The following TOP1 variants were observed in gnomAD, a reference collection of about 807,000 sequenced individuals.
TOP1 encodes the protein DNA topoisomerase 1.
TOP1 carries 10 observed loss-of-function variants against 111.1 expected under a neutral mutation model. The observed-to-expected ratio is 0.09, with a 90% CI of 0.06 to 0.15. The LOEUF is 0.15. Ranked by LOEUF, TOP1 falls within the 10% of genes least tolerant of loss-of-function variation. The pLI is 1.00. For missense variants in TOP1, 474 were observed against 926.7 expected (o/e 0.51, Z 6.34); for synonymous variants, 271 against 302.9 (o/e 0.89, Z 1.10).
intron 3 of TOP1, among the ~76,000 whole-genome samples, chr20:41,073,585 T>C (rs1217523084): frequency 6.6e-6 from 1 of 152,122 alleles, no homozygotes; most frequent in Non-Finnish European, 1.5e-5. Context: ...TTAGTGGAAA[T>C]ATAAGGGTAT....
Position 41,071,995 on chromosome 20 carries a change from T to C in TOP1, c.156-4176T>C, listed in dbSNP as rs551208637. 3.9e-4 allele frequency among the ~76,000 whole-genome samples: 59 copies of C among 152,242 alleles called. No individual in the cohort carries two copies. The highest frequency in any genetic ancestry group is 7.9e-4 in the Non-Finnish European group (54 of 68,040). On this transcript the variant is annotated intron_variant, in intron 3 of 20. Transcript: ENST00000361337. The surrounding 1 kb of genome is among the most constrained non-coding windows in gnomAD (Gnocchi z 4.3). ...CCAGACTAAACTTACTCTTAAAATATGTTTGTCCAACCTTTGGTTTCCTTC... is the reference window on the plus strand; with the variant it reads ...CCAGACTAAACTTACTCTTAAAATACGTTTGTCCAACCTTTGGTTTCCTTC...
rs1352388719 is a variant in TOP1, at chr20:41,100,253, C to T, written c.1163+10C>T. The T allele has an allele frequency of 1.9e-6, 3 of 1,606,184 alleles. No homozygotes were observed. The highest frequency in any genetic ancestry group is 2.6e-6 in the Non-Finnish European group (3 of 1,175,356). On this transcript the variant is annotated intron_variant, in intron 12 of 20. Coordinates refer to ENST00000361337, the MANE Select transcript of TOP1 (RefSeq NM_003286.4). This position sits in a 1 kb window ranked among gnomAD's most constrained non-coding sequence, Gnocchi z 4.4. ...TCATCAACTGTAGCAAGTGAGCTCGCACTTCATCCTATGGGCCAAAAAGGG... is the reference window on the plus strand; with the variant it reads ...TCATCAACTGTAGCAAGTGAGCTCGTACTTCATCCTATGGGCCAAAAAGGG...
In TOP1 at chr20:41,119,599, A is replaced by G. The variant is rs575477469; in HGVS notation, c.1950+1303A>G. Among the ~76,000 whole-genome samples the G allele has an allele frequency of 6.6e-5, 10 of 152,308 alleles. No individual in the cohort carries two copies. The South Asian group carries it at 1.5e-3, about 22-fold the overall frequency. On this transcript the variant is annotated intron_variant, in intron 18 of 20. Coordinates refer to ENST00000361337, the MANE Select transcript of TOP1 (RefSeq NM_003286.4). ...GGAATGAGACTGCATTTTAAGGCCC[A>G]GAATATTTTCCATTTGTTGAGATTT...
chr20:41,115,567 C>T lies in TOP1; in HGVS notation c.1707+128C>T. On this transcript the variant is annotated intron_variant, in intron 16 of 20. Transcript: ENST00000361337. The surrounding 1 kb of genome is among the most constrained non-coding windows in gnomAD (Gnocchi z 6.3). The stretch of plus-strand genomic sequence containing the variant: ...CTGGCCTGCTCTGTGGCATCCCATA[C>T]ACTCTCTCTTCCTCCCTCTGAGTCC... 1 of 658,434 alleles carries T rather than the reference C, an allele frequency of 1.5e-6. No individual in the cohort carries two copies. Among genetic ancestry groups the T allele is most frequent in the Admixed American group, 2.4e-5 (1 of 40,880 alleles). 40.8% of individuals were successfully genotyped at this position (658,434 alleles called of 1,614,324 possible). A position where few individuals can be genotyped will look rare whatever the true frequency, so the allele number is the denominator to read the frequency against.
At position 41,123,507 on chromosome 20, in the gene TOP1, T is replaced by C; in HGVS notation, c.*210T>C. On this transcript the variant is annotated 3_prime_UTR_variant, in exon 21 of 21. Transcript: ENST00000361337. This position sits in a 1 kb window ranked among gnomAD's most constrained non-coding sequence, Gnocchi z 5.8. ...AACTTATTTAAAAATATTTCAGATA[T>C]CAAAATTCTAGCTGTATGATTTGTT... 3 of 436,374 alleles carry C rather than the reference T, an allele frequency of 6.9e-6. No homozygotes were observed. Among genetic ancestry groups the C allele is most frequent in the Non-Finnish European group, 8.1e-6 (2 of 247,784 alleles). The allele number at this position is 436,374 out of a possible 1,614,324, so 27.0% of individuals were successfully genotyped here.
chr20:41,114,685 A>G lies in TOP1; in HGVS notation c.1638+530A>G, dbSNP rs116806983. ...TTCATCTTTGCTCAGCCTTTCTCCA[A>G]CTCCTGACTGAGTGAAAGGTTAATG... On this transcript the variant is annotated intron_variant, in intron 15 of 20. Transcript: ENST00000361337. This position sits in a 1 kb window ranked among gnomAD's most constrained non-coding sequence, Gnocchi z 4.5. Among the ~76,000 whole-genome samples the G allele has an allele frequency of 8.9e-4, 136 of 152,194 alleles. No homozygotes were observed. The highest frequency in any genetic ancestry group is 3.0e-3 in the African/African-American group (126 of 41,504).
chr20:41,106,933 C>T lies in TOP1; in HGVS notation c.1308+5580C>T, dbSNP rs1272903707. ...TTTTAAACACAATTATCCATAAAAC[C>T]CTAACCCTTTCCCTAGTCAACAGCA... On this transcript the variant is annotated intron_variant, in intron 13 of 20. Coordinates refer to ENST00000361337, the MANE Select transcript of TOP1 (RefSeq NM_003286.4). This position sits in a 1 kb window ranked among gnomAD's most constrained non-coding sequence, Gnocchi z 4.3. Among the ~76,000 whole-genome samples the T allele has an allele frequency of 3.3e-5, 5 of 151,946 alleles. No individual in the cohort carries two copies. The highest frequency in any genetic ancestry group is 1.2e-4 in the African/African-American group (5 of 41,354).
In TOP1 at chr20:41,110,999, T is replaced by C. The variant is rs1461654829; in HGVS notation, c.1309-1783T>C. Among the ~76,000 whole-genome samples, 1 of 152,188 alleles carries C rather than the reference T, an allele frequency of 6.6e-6. No homozygotes were observed. The highest frequency in any genetic ancestry group is 2.4e-5 in the African/African-American group (1 of 41,434). On this transcript the variant is annotated intron_variant, in intron 13 of 20. Transcript: ENST00000361337. This position sits in a 1 kb window ranked among gnomAD's most constrained non-coding sequence, Gnocchi z 4.2. ...AGCCCAGCCAGCCTGTGAAGAAAAGTTGGTCTGGTAGTATCCTGTGAATGA... is the reference window on the plus strand; with the variant it reads ...AGCCCAGCCAGCCTGTGAAGAAAAGCTGGTCTGGTAGTATCCTGTGAATGA...
Position 41,123,880 on chromosome 20 carries a change from G to A in TOP1, c.*583G>A, listed in dbSNP as rs1347482319. On this transcript the variant is annotated 3_prime_UTR_variant, in exon 21 of 21. Transcript: ENST00000361337. This position sits in a 1 kb window ranked among gnomAD's most constrained non-coding sequence, Gnocchi z 5.8. ...TGGCAGTGTTTTGGTTCAGACACCT[G>A]TTCACAGAAAAAGCATGATGGGAAA... 1.3e-5 allele frequency: 3 copies of A among 232,282 alleles called. No individual in the cohort carries two copies. The highest frequency in any genetic ancestry group is 2.6e-5 in the Non-Finnish European group (3 of 117,312). The allele number at this position is 232,282 out of a possible 1,614,324, so 14.4% of individuals were successfully genotyped here.
chr20:41,100,212 A>G lies in TOP1; in HGVS notation c.1132A>G (p.Met378Val). The stretch of plus-strand genomic sequence containing the variant: ...GATGGGCATGCTGAAGAGACGAATC[A>G]TGCCCGAGGATATAATCATCAACTG... ...PKMGMLKRRI[M>V]PEDIIINCSK... Residue 378 changes from methionine (M) to valine (V), a missense_variant, in exon 12 of 21, where the codon ATG becomes GTG. By Grantham distance (21) the Met-to-Val change is conservative. This residue lies in a region of TOP1 where 22 missense variants were observed against 30.4 expected (regional missense o/e 0.72). Coordinates refer to ENST00000361337, the MANE Select transcript of TOP1 (RefSeq NM_003286.4). This position sits in a 1 kb window ranked among gnomAD's most constrained non-coding sequence, Gnocchi z 4.4. 6.2e-7 allele frequency: 1 copy of G among 1,613,932 alleles called. No individual in the cohort carries two copies. Among genetic ancestry groups the G allele is most frequent in the South Asian group, 1.1e-5 (1 of 91,064 alleles).
Position 41,029,008 on chromosome 20 carries a change from G to A in TOP1, c.-60G>A, listed in dbSNP as rs1282454595. On this transcript the variant is annotated 5_prime_UTR_variant, in exon 1 of 21. Coordinates refer to ENST00000361337, the MANE Select transcript of TOP1 (RefSeq NM_003286.4). The surrounding 1 kb of genome is among the most constrained non-coding windows in gnomAD (Gnocchi z 6.1). ...CCCGTCCGCCCGCACAGGCCGGTTC[G>A]CCGTCTGCGTCTCCCCCACGCCGCC... is the stretch of plus-strand genomic sequence containing the variant. 2.0e-6 allele frequency: 3 copies of A among 1,488,984 alleles called. No homozygotes were observed. Among genetic ancestry groups the A allele is most frequent in the Non-Finnish European group, 2.7e-6 (3 of 1,106,878 alleles). The allele number at this position is 1,488,984 out of a possible 1,614,324, so 92.2% of individuals were successfully genotyped here.
chr20:41,082,900 G>C lies in TOP1; in HGVS notation c.508-1562G>C, dbSNP rs1185650524. On this transcript the variant is annotated intron_variant, in intron 7 of 20. Transcript: ENST00000361337. The surrounding 1 kb of genome is among the most constrained non-coding windows in gnomAD (Gnocchi z 4.1). ...AATACTCTGAGTTTGTTAAACCATT[G>C]GGAAAAAAGAACAGTTGACTTCATT... 1.3e-5 allele frequency among the ~76,000 whole-genome samples: 2 copies of C among 151,038 alleles called. No homozygotes were observed. Among genetic ancestry groups the C allele is most frequent in the Admixed American group, 6.6e-5 (1 of 15,178 alleles).
chr20:41,078,432 C>T lies in TOP1; in HGVS notation c.335+795C>T, dbSNP rs1057150255. The stretch of plus-strand genomic sequence containing the variant: ...ACAAAACACTTTGAGAGTTTTGCTT[C>T]CTTGAATCTTTGAACTTTCAGTTTC... On this transcript the variant is annotated intron_variant, in intron 5 of 20. Coordinates refer to ENST00000361337, the MANE Select transcript of TOP1 (RefSeq NM_003286.4). This position sits in a 1 kb window ranked among gnomAD's most constrained non-coding sequence, Gnocchi z 5.3. Among the ~76,000 whole-genome samples, 6 of 152,130 alleles carry T rather than the reference C, an allele frequency of 3.9e-5. No homozygotes were observed. The highest frequency in any genetic ancestry group is 3.9e-4 in the Admixed American group (6 of 15,270).
chr20:41,060,929 C>T (rs1344914951), intron 2 of TOP1, among the ~76,000 whole-genome samples: 1 of 152,124 alleles, frequency 6.6e-6, no homozygotes, highest in African/African-American at 2.4e-5. Flanking sequence ...ATCTATGGTG[C>T]TGAACCTGTA....
At position 41,116,665 on chromosome 20, in the gene TOP1, C is replaced by T. The variant is rs1240748691; in HGVS notation, c.1822+273C>T. ...AAAATGCCTGCATTTGTGTTTTATACATATATTACTTAAAAGCCCACAGAG... is the reference window on the plus strand; with the variant it reads ...AAAATGCCTGCATTTGTGTTTTATATATATATTACTTAAAAGCCCACAGAG... On this transcript the variant is annotated intron_variant, in intron 17 of 20. Coordinates refer to ENST00000361337, the MANE Select transcript of TOP1 (RefSeq NM_003286.4). This position sits in a 1 kb window ranked among gnomAD's most constrained non-coding sequence, Gnocchi z 5.6. 6.6e-6 allele frequency among the ~76,000 whole-genome samples: 1 copy of T among 152,168 alleles called. No homozygotes were observed. Among genetic ancestry groups the T allele is most frequent in the African/African-American group, 2.4e-5 (1 of 41,424 alleles).
rs2145931379 is a variant in TOP1, at chr20:41,069,954, A to G, written c.156-6217A>G. On this transcript the variant is annotated intron_variant, in intron 3 of 20. Transcript: ENST00000361337. The surrounding 1 kb of genome is among the most constrained non-coding windows in gnomAD (Gnocchi z 4.1). Reference sequence around the variant, plus strand: ...ATATGCTTTGTTCTGGGAGGAATCTAGTTAGGTGGGTTACACAGGGTGGAA... The same window carrying G: ...ATATGCTTTGTTCTGGGAGGAATCTGGTTAGGTGGGTTACACAGGGTGGAA... Among the ~76,000 whole-genome samples the G allele has an allele frequency of 6.6e-6, 1 of 152,286 alleles. No individual in the cohort carries two copies. Among genetic ancestry groups the G allele is most frequent in the South Asian group, 2.1e-4 (1 of 4,830 alleles).
Position 41,081,243 on chromosome 20 carries a change from T to C in TOP1, c.507+3T>C. Reference sequence around the variant, plus strand: ...AAAGAAAACTAGAAGAAGAAGAGGTTAGTAAAGAGACTTAGGTCCTTTGGG... The same window carrying C: ...AAAGAAAACTAGAAGAAGAAGAGGTCAGTAAAGAGACTTAGGTCCTTTGGG... On this transcript the variant is annotated splice_donor_region_variant and intron_variant, in intron 7 of 20. Transcript: ENST00000361337. 6.2e-7 allele frequency: 1 copy of C among 1,602,250 alleles called. No individual in the cohort carries two copies. Among genetic ancestry groups the C allele is most frequent in the Non-Finnish European group, 8.5e-7 (1 of 1,173,658 alleles).
Position 41,081,256 on chromosome 20 carries a change from T to C in TOP1, c.507+16T>C. 1 of 1,592,884 alleles carries C rather than the reference T, an allele frequency of 6.3e-7. No homozygotes were observed. Among genetic ancestry groups the C allele is most frequent in the East Asian group, 2.3e-5 (1 of 44,408 alleles). Reference sequence around the variant, plus strand: ...AGAAGAAGAGGTTAGTAAAGAGACTTAGGTCCTTTGGGGCTTGAGTTTGGA... The same window carrying C: ...AGAAGAAGAGGTTAGTAAAGAGACTCAGGTCCTTTGGGGCTTGAGTTTGGA... On this transcript the variant is annotated intron_variant, in intron 7 of 20. Coordinates refer to ENST00000361337, the MANE Select transcript of TOP1 (RefSeq NM_003286.4).
At chr20:41,040,567 G>C (rs1159671150) in intron 2 of TOP1, among the ~76,000 whole-genome samples, 1 of 152,052 alleles carries the variant, frequency 6.6e-6, no homozygotes, top group Non-Finnish European at 1.5e-5. Flanking sequence ...TCCAGGGCCA[G>C]GCACCCCACA....
Sources: allele counts gnomAD v4.1 joint callset (sites outside exome capture counted in the v4.1 genomes callset), GRCh38; gene constraint gnomAD v4.1.1; regional missense constraint gnomAD v4.1.1; non-coding constraint Gnocchi (gnomAD v3.1); transcripts MANE v1.5; gene names NCBI Gene and HGNC (gene_info 2026-07-23, HGNC 2026-07-21).